The following PARP4 variants were observed in gnomAD, a reference collection of about 807,000 sequenced individuals.
The protein encoded by PARP4 is poly(ADP-ribose) polymerase family member 4.
Under a neutral mutation model 187.7 loss-of-function variants are expected in PARP4, and 120 were observed. The observed-to-expected ratio is 0.64, with a 90% CI of 0.55 to 0.74. The LOEUF (loss-of-function observed/expected upper bound fraction) is 0.74. PARP4 is among the 30% of genes least tolerant of loss of function. The probability of loss-of-function intolerance (pLI) is 0.00; values close to 1 mark genes in which losing one functional copy is unlikely to be tolerated. For synonymous variants in PARP4, 654 were observed against 740.9 expected (o/e 0.88, Z 1.90); for missense variants, 1,836 against 2,070.5 (o/e 0.89, Z 2.20).
At chr13:24,455,333 A>G in intron 21 of PARP4, 121 bp from the exon 22 acceptor site, 1 of 582,006 alleles carries the variant, frequency 1.7e-6, no homozygotes, top group Non-Finnish European at 2.8e-6. Context: ...CAGAAAGAAT[A>G]AGATGTAATT....
chr13:24,425,605 C>CTATATATATATATATATATA (rs113002264), intron 33 of PARP4, among the ~76,000 whole-genome samples: 50 of 146,988 alleles, frequency 3.4e-4, no homozygotes, highest in African/African-American at 1.2e-3. Context: ...ATATCTATAT[C>CTATATATATATATATATATA]TATATATCTC....
chr13:24,473,064 G>A (rs1195485632), intron 15 of PARP4, among the ~76,000 whole-genome samples: 1 of 151,924 alleles, frequency 6.6e-6, no homozygotes, highest in Non-Finnish European at 1.5e-5. Flanking sequence ...CCAAGTAGAT[G>A]GGACTACAGG....
rs565125084 is a variant in PARP4 at position 24,453,567 on chromosome 13, A to G, written c.2826+20T>C. 25 of 1,497,388 alleles carry G rather than the reference A, an allele frequency of 1.7e-5. No homozygotes were observed. The African/African-American group carries it at 2.8e-4, about 17-fold the overall frequency. The allele number at this position is 1,497,388 out of a possible 1,614,324, so 92.8% of individuals were successfully genotyped here. On this transcript the variant is annotated intron_variant, in intron 23 of 33. Coordinates refer to ENST00000381989, the MANE Select transcript of PARP4 (RefSeq NM_006437.4). ...TGGTAGGAAAAGACCCAGGAGATAC[A>G]GGAAGCCTCTTGCACTCACCATGAT... is the stretch of plus-strand genomic sequence containing the variant.
intron 27 of PARP4, 140 bp downstream of exon 27, chr13:24,446,541 A>G (rs2137460394): frequency 1.6e-6 from 1 of 624,094 alleles, no homozygotes; most frequent in East Asian, 3.1e-5. Flanking sequence ...GTTTTAAGAA[A>G]GTTTACGAAT....
intron 15 of PARP4, among the ~76,000 whole-genome samples, chr13:24,472,757 T>C: frequency 6.6e-6 from 1 of 152,178 alleles, no homozygotes; most frequent in Non-Finnish European, 1.5e-5. Flanking sequence ...AGCACCCGCA[T>C]TAGATAACCC....
At chr13:24,434,305 A>G (rs1870491120) in intron 31 of PARP4, 90 bp downstream of exon 31, 5 of 1,236,362 alleles carry the variant, frequency 4.0e-6, no homozygotes, top group Admixed American at 2.4e-5. Context: ...GACTGATGAT[A>G]GACGGTTCCT....
chr13:24,453,888 G>T (rs1369931245), intron 22 of PARP4, among the ~76,000 whole-genome samples: 2 of 152,152 alleles, frequency 1.3e-5, no homozygotes, highest in Non-Finnish European at 2.9e-5. Flanking sequence ...GCCGAGGTGG[G>T]TGTATCACCT....
intron 17 of PARP4, 62 bp downstream of exon 17, chr13:24,468,962 A>G (rs781280536): frequency 1.7e-6 from 2 of 1,144,612 alleles, no homozygotes; most frequent in Admixed American, 1.8e-5. Context: ...TTCGTATTTC[A>G]TATCTTGTTC....
intron 12 of PARP4, among the ~76,000 whole-genome samples, chr13:24,478,940 A>G (rs192475097): frequency 1.3e-5 from 2 of 152,354 alleles, no homozygotes; most frequent in South Asian, 2.1e-4. Context: ...GAAAAAGTAG[A>G]TTTAATTCTC....
intron 30 of PARP4, among the ~76,000 whole-genome samples, chr13:24,440,819 T>C (rs186482115): frequency 6.6e-6 from 1 of 152,336 alleles, no homozygotes; most frequent in East Asian, 1.9e-4. Context: ...AAAAGGAATC[T>C]CATGGCAGTT....
chr13:24,483,534 T>C (rs1420996872), intron 12 of PARP4, among the ~76,000 whole-genome samples: 1 of 151,596 alleles, frequency 6.6e-6, no homozygotes, highest in East Asian at 1.9e-4. Flanking sequence ...TGGGGTCTTG[T>C]TGTGTTGCCT....
At chr13:24,468,631 T>C (rs904818507) in intron 17 of PARP4, among the ~76,000 whole-genome samples, 4 of 152,198 alleles carry the variant, frequency 2.6e-5, no homozygotes, top group African/African-American at 7.2e-5. Flanking sequence ...CTCAAATTCC[T>C]GACCTCAGGT....
Position 24,500,352 on chromosome 13 carries a change from C to T in PARP4, c.365G>A (p.Ser122Asn), listed in dbSNP as rs9578751. The T allele has an allele frequency of 0.11, 171,434 of 1,600,644 alleles. 9,944 individuals carry two copies. Among genetic ancestry groups the T allele is most frequent in the Middle Eastern group, 0.12 (716 of 6,034 alleles). The change falls in exon 4 of 34, where the codon AGT becomes AAT. Residue 122 changes from serine to asparagine, a missense_variant. Transcript: ENST00000381989. The part of the protein sequence containing the change: ...EVKTEGLCPD[S>N]ATEEEDTVEL... ...CACAGTGTCTTCCTCCTCTGTGGCA[C>T]TGTCCGGGCATAGACCTTCTGTTTT...
chr13:24,458,921 T>C (rs536013042), intron 20 of PARP4, 123 bp downstream of exon 20: 5 of 706,090 alleles, frequency 7.1e-6, no homozygotes, highest in South Asian at 3.3e-5. Flanking sequence ...GGGGCAGGAG[T>C]AGTGCTTCTT....
chr13:24,507,246 G>A (rs112009690), intron 1 of PARP4, among the ~76,000 whole-genome samples: 5 of 152,208 alleles, frequency 3.3e-5, no homozygotes, highest in Admixed American at 6.5e-5. Flanking sequence ...ACAGTGCAGC[G>A]GCGGGCTGAA....
intron 14 of PARP4, among the ~76,000 whole-genome samples, chr13:24,476,716 A>G (rs1873004880): frequency 6.6e-6 from 1 of 152,230 alleles, no homozygotes; most frequent in South Asian, 2.1e-4. Flanking sequence ...GAGCATGGTC[A>G]AAAATGTTAA....
Position 24,455,488 on chromosome 13 carries a change from T to C in PARP4, c.2563-276A>G, listed in dbSNP as rs1871779087. Among the ~76,000 whole-genome samples the C allele has an allele frequency of 2.2e-5, 3 of 136,762 alleles. No individual in the cohort carries two copies. In the South Asian group the frequency reaches 6.8e-4, roughly 31 times the overall value. 89.7% of individuals were successfully genotyped at this position (136,762 alleles called of 152,430 possible). ...ATCAACATTATGGAACAAATATATATATATATATATATATATATCACACTA... is the reference window on the plus strand; with the variant it reads ...ATCAACATTATGGAACAAATATATACATATATATATATATATATCACACTA... On this transcript the variant is annotated intron_variant, in intron 21 of 33. Coordinates refer to ENST00000381989, the MANE Select transcript of PARP4 (RefSeq NM_006437.4).
At position 24,503,667 on chromosome 13, in the gene PARP4, A is replaced by G. The variant is rs771865745; in HGVS notation, c.110T>C (p.Phe37Ser). 6.2e-7 allele frequency: 1 copy of G among 1,613,132 alleles called. No individual in the cohort carries two copies. The highest frequency in any genetic ancestry group is 1.7e-5 in the Admixed American group (1 of 60,018). The change falls in exon 2 of 34, where the codon TTT (phenylalanine) becomes TCT (serine). Residue 37 changes from phenylalanine to serine, a missense_variant. Phe to Ser is a radical substitution (Grantham distance 155). Transcript: ENST00000381989. ...TACCTGAGGATTTAACGAAAAGGAA[A>G]ACTTTCCGCCATTTTCCTTAATGTC... ...QTDIKENGGK[F>S]SFSLNPQCTH...
chr13:24,500,607 CTGT>C (rs1666784016), intron 3 of PARP4, among the ~76,000 whole-genome samples: 1 of 152,174 alleles, frequency 6.6e-6, no homozygotes, highest in Non-Finnish European at 1.5e-5. Context: ...GGATTCTCAT[CTGT>C]TATTATTTGA....
Sources: gnomAD v4.1 joint callset for allele counts (sites outside exome capture counted in the v4.1 genomes callset) on GRCh38, gnomAD v4.1.1 for gene constraint, MANE v1.5 for transcripts, NCBI Gene and HGNC (gene_info 2026-07-23, HGNC 2026-07-21) for gene names.